Variants in MEMO1 observed in about 807,000 individuals in gnomAD.
The protein encoded by MEMO1 is protein MEMO1.
A neutral mutation model predicts 45.2 loss-of-function variants in MEMO1; 6 were observed. The ratio of observed to expected loss-of-function variants is 0.13; its 90% CI spans 0.07 to 0.26. The LOEUF is 0.26. Ranked by LOEUF, MEMO1 falls within the 10% of genes least tolerant of loss-of-function variation. MEMO1 has a pLI of 1.00. For synonymous variants in MEMO1, 78 were observed against 124.3 expected (o/e 0.63, Z 2.48); for missense variants, 184 against 370.5 (o/e 0.50, Z 4.13).
intron 2 of MEMO1, among the ~76,000 whole-genome samples, chr2:31,950,253 T>A (rs988126837): frequency 1.4e-4 from 21 of 150,862 alleles, no homozygotes; most frequent in African/African-American, 4.6e-4. Flanking sequence ...TGATGACAGG[T>A]GCCTGTAATT....
rs144466744 is a variant in MEMO1 at position 31,868,313 on chromosome 2, G to A, written c.*48C>T. On this transcript the variant is annotated 3_prime_UTR_variant, in exon 10 of 10. Transcript: ENST00000404530. ...GTGGTAAAGGCTAGGCTGGGACCCC[G>A]GACAGAGTATGAGAATGTGCAGGTG... is the stretch of plus-strand genomic sequence containing the variant. 1,716 of 1,469,406 alleles carry A rather than the reference G, an allele frequency of 1.2e-3. 23 individuals carry two copies. In the African/African-American group the frequency reaches 0.022, roughly 18 times the overall value. 91.0% of individuals were successfully genotyped at this position (1,469,406 alleles called of 1,614,324 possible). A position where few individuals can be genotyped will look rare whatever the true frequency, so the allele number is the denominator to read the frequency against.
chr2:31,974,022 TAGG>T (rs1669715508), intron 2 of MEMO1, among the ~76,000 whole-genome samples: 2 of 152,230 alleles, frequency 1.3e-5, no homozygotes, highest in Admixed American at 1.3e-4. Context: ...AATCTTTTTA[TAGG>T]AGTTCATAAG....
chr2:31,888,585 C>T (rs1676511074), intron 7 of MEMO1, among the ~76,000 whole-genome samples: 1 of 152,002 alleles, frequency 6.6e-6, no homozygotes, highest in Non-Finnish European at 1.5e-5. Context: ...TTAATAAGCA[C>T]AAAAAGTATT....
chr2:31,949,770 T>C (rs1666621352), intron 2 of MEMO1, among the ~76,000 whole-genome samples: 2 of 152,150 alleles, frequency 1.3e-5, no homozygotes, highest in Admixed American at 6.5e-5. Flanking sequence ...GGATTCTTTG[T>C]AACTCAAAGG....
At chr2:31,969,631 GTGTT>G (rs1158277868) in intron 2 of MEMO1, among the ~76,000 whole-genome samples, 14 of 130,556 alleles carry the variant, frequency 1.1e-4, no homozygotes, top group African/African-American at 3.1e-4. Flanking sequence ...GTGTGTGTGT[GTGTT>G]TAAGACAGGC....
At chr2:31,957,123 C>T (rs543823855) in intron 2 of MEMO1, among the ~76,000 whole-genome samples, 15 of 140,476 alleles carry the variant, frequency 1.1e-4, no homozygotes, top group Non-Finnish European at 1.5e-4. Context: ...GCCTGGTCAA[C>T]GAAAGCGAAA....
At chr2:32,002,353 A>ATATG (rs1423245851) in intron 2 of MEMO1, among the ~76,000 whole-genome samples, 1 of 149,408 alleles carries the variant, frequency 6.7e-6, no homozygotes, top group East Asian at 1.9e-4. Context: ...ATATACATAC[A>ATATG]TATGTATGAG....
intron 6 of MEMO1, among the ~76,000 whole-genome samples, chr2:31,899,963 A>C (rs1486800511): frequency 6.6e-6 from 1 of 152,234 alleles, no homozygotes; most frequent in Non-Finnish European, 1.5e-5. Context: ...AGAAATGCAA[A>C]TCAAAACCAC....
intron 5 of MEMO1, among the ~76,000 whole-genome samples, chr2:31,918,964 C>G (rs1210512555): frequency 6.6e-6 from 1 of 151,980 alleles, no homozygotes; most frequent in East Asian, 1.9e-4. Flanking sequence ...CTAAAACCCT[C>G]TCAGGAAGTA....
At chr2:31,988,991 G>A (rs1242418716) in intron 2 of MEMO1, among the ~76,000 whole-genome samples, 1 of 152,130 alleles carries the variant, frequency 6.6e-6, no homozygotes, top group Non-Finnish European at 1.5e-5. Context: ...CAGATCACCT[G>A]AGTTCGGGAG....
rs13397565 is a variant in MEMO1 at position 31,934,059 on chromosome 2, T to C, written c.144-1924A>G. Among the ~76,000 whole-genome samples the C allele has an allele frequency of 9.9e-3, 1,511 of 152,296 alleles. 27 individuals carry two copies. Among genetic ancestry groups the C allele is most frequent in the South Asian group, 0.05 (243 of 4,822 alleles). On this transcript the variant is annotated intron_variant, in intron 3 of 9. Coordinates refer to ENST00000404530, the MANE Select transcript of MEMO1 (RefSeq NM_001301833.4). ...GTTTATAAGTACGCCATCTTGCCTG[T>C]CCATGTGGACCTTAAAACCAGCTGG...
chr2:31,925,963 T>A (rs1231287400), intron 4 of MEMO1, among the ~76,000 whole-genome samples: 1 of 152,182 alleles, frequency 6.6e-6, no homozygotes, highest in Non-Finnish European at 1.5e-5. Context: ...TAGTTTTGAG[T>A]TGTAAGCTGA....
intron 4 of MEMO1, among the ~76,000 whole-genome samples, chr2:31,929,733 T>C (rs1346827523): frequency 2.6e-5 from 4 of 152,188 alleles, no homozygotes; most frequent in Non-Finnish European, 5.9e-5. Flanking sequence ...GGCTGAAATA[T>C]AGAACAAAAA....
rs560909317 is a variant in MEMO1, at chr2:31,896,156, G to GA, written c.438-4023dup. On this transcript the variant is annotated intron_variant, in intron 6 of 9. Coordinates refer to ENST00000404530, the MANE Select transcript of MEMO1 (RefSeq NM_001301833.4). ...CCGTGCCTGGCAAGAAAAAAATCGT[G>GA]AAAGCAGCGAGAAGAAAATAACTTC... Among the ~76,000 whole-genome samples the GA allele has an allele frequency of 1.1e-4, 16 of 152,202 alleles. No homozygotes were observed. In the South Asian group the frequency reaches 2.1e-3, roughly 20 times the overall value.
chr2:31,896,068 C>A (rs1677756915), intron 6 of MEMO1, among the ~76,000 whole-genome samples: 7 of 151,950 alleles, frequency 4.6e-5, no homozygotes. Context: ...TGGTCTCGAT[C>A]TCCTGACCTC....
intron 6 of MEMO1, among the ~76,000 whole-genome samples, chr2:31,909,716 C>G (rs986210235): frequency 6.6e-6 from 1 of 152,008 alleles, no homozygotes; most frequent in African/African-American, 2.4e-5. Context: ...AATGAAACCC[C>G]TATCAAAATA....
chr2:31,989,974 C>T (rs766384697), intron 2 of MEMO1, among the ~76,000 whole-genome samples: 2 of 152,046 alleles, frequency 1.3e-5, no homozygotes, highest in Non-Finnish European at 2.9e-5. Flanking sequence ...AGAAATTAAC[C>T]GGGCATGGTG....
intron 2 of MEMO1, among the ~76,000 whole-genome samples, chr2:31,996,220 A>AAG (rs912945210): frequency 1.0e-4 from 15 of 148,004 alleles, no homozygotes; most frequent in Admixed American, 1.4e-4. Context: ...GAGAGAGAGA[A>AAG]AGAGAGAGAG....
intron 2 of MEMO1, among the ~76,000 whole-genome samples, chr2:31,995,829 A>G (rs1368939485): frequency 6.6e-6 from 1 of 152,184 alleles, no homozygotes; most frequent in African/African-American, 2.4e-5. Context: ...TCAAAGGTAC[A>G]TGATAACAGC....
Sources: allele counts gnomAD v4.1 joint callset (sites outside exome capture counted in the v4.1 genomes callset), GRCh38; gene constraint gnomAD v4.1.1; transcripts MANE v1.5; gene names NCBI Gene and HGNC (gene_info 2026-07-23, HGNC 2026-07-21).